RYR3: variants seen among roughly 807,000 people sequenced by gnomAD.
The protein encoded by RYR3 is ryanodine receptor 3.
In RYR3, 207 loss-of-function variants were observed where a neutral mutation model predicts 584.3. The observed-to-expected ratio is 0.35, with a 90% CI of 0.32 to 0.40. RYR3 has a LOEUF of 0.40. Ranked by LOEUF, RYR3 falls within the 10% of genes least tolerant of loss-of-function variation. The pLI is 1.00. For synonymous variants in RYR3, 2,416 were observed against 2,248.5 expected (o/e 1.07, Z -2.11); for missense variants, 5,616 against 6,089.2 (o/e 0.92, Z 2.59).
intron 18 of RYR3, among the ~76,000 whole-genome samples, chr15:33,609,602 G>C (rs1442474985): frequency 6.6e-6 from 1 of 152,166 alleles, no homozygotes; most frequent in East Asian, 1.9e-4. Flanking sequence ...GCAGTGAGCC[G>C]AGATCGTGCC....
At position 33,636,474 on chromosome 15, in the gene RYR3, C is replaced by T. The variant is rs201264890; in HGVS notation, c.3480C>T (p.Ile1160=). 9.0e-5 allele frequency: 146 copies of T among 1,613,524 alleles called. No individual in the cohort carries two copies. In the Admixed American group the frequency reaches 2.4e-3, roughly 26 times the overall value. Residue 1160 remains isoleucine, a synonymous_variant, in exon 27 of 104, where the codon ATC becomes ATT. Transcript: ENST00000634891. ...TTAACCTGGATGATGCTTCAATGAT[C>T]TTCACACTGAATGGGGAGCTGCTGA... ...CMINLDDASM[I]FTLNGELLIT...
chr15:33,844,167 A>C (rs2078562786), intron 92 of RYR3, among the ~76,000 whole-genome samples: 1 of 152,156 alleles, frequency 6.6e-6, no homozygotes, highest in South Asian at 2.1e-4. Flanking sequence ...TAAAACCACC[A>C]ATCTAATTTG....
At chr15:33,439,538 C>T (rs1033680335) in intron 1 of RYR3, among the ~76,000 whole-genome samples, 1 of 152,008 alleles carries the variant, frequency 6.6e-6, no homozygotes, top group Non-Finnish European at 1.5e-5. Flanking sequence ...CTTTAATTGT[C>T]CTTTCCTATA....
chr15:33,531,864 T>C (rs2054905740), intron 4 of RYR3, among the ~76,000 whole-genome samples: 1 of 152,142 alleles, frequency 6.6e-6, no homozygotes, highest in South Asian at 2.1e-4. Context: ...TGTTTATCTA[T>C]AGGGTAAATA....
chr15:33,498,426 T>G (rs1270801034), intron 2 of RYR3, among the ~76,000 whole-genome samples: 3 of 152,158 alleles, frequency 2.0e-5, no homozygotes, highest in Non-Finnish European at 4.4e-5. Flanking sequence ...TTTCCCTGAT[T>G]AGTGATATGA....
intron 60 of RYR3, among the ~76,000 whole-genome samples, chr15:33,762,513 TTTATTCTC>T (rs1221801099): frequency 6.6e-6 from 1 of 151,678 alleles, no homozygotes; most frequent in African/African-American, 2.4e-5. Context: ...GGCAATTGCA[TTTATTCTC>T]ACAAAGAGCA....
chr15:33,812,425 G>A (rs1039485560), intron 72 of RYR3, among the ~76,000 whole-genome samples: 3 of 152,018 alleles, frequency 2.0e-5, no homozygotes, highest in Non-Finnish European at 2.9e-5. Flanking sequence ...GGAATTAATC[G>A]AACCCATAAA....
intron 1 of RYR3, among the ~76,000 whole-genome samples, chr15:33,372,358 ATTTTTTTTTTT>A (rs59663566): frequency 4.0e-5 from 3 of 75,550 alleles, no homozygotes; most frequent in Non-Finnish European, 7.1e-5. Context: ...TGCCCGGCTA[ATTTTTTTTTTT>A]TTTTTTTTTT....
In RYR3 at chr15:33,648,562, T is replaced by C. The variant is rs138013027; in HGVS notation, c.3979-510T>C. The stretch of plus-strand genomic sequence containing the variant: ...CACATTTGGCCATGAGATGAACTTT[T>C]TCTTGAGCAACCTCTTTCAAGACTT... On this transcript the variant is annotated intron_variant, in intron 30 of 103. Coordinates refer to ENST00000634891, the MANE Select transcript of RYR3 (RefSeq NM_001036.6). Among the ~76,000 whole-genome samples the C allele has an allele frequency of 6.8e-4, 103 of 152,342 alleles. 1 individual carries two copies. The highest frequency in any genetic ancestry group is 2.1e-3 in the African/African-American group (87 of 41,574).
At chr15:33,338,215 G>C (rs1971384297) in intron 1 of RYR3, among the ~76,000 whole-genome samples, 1 of 152,102 alleles carries the variant, frequency 6.6e-6, no homozygotes, top group Non-Finnish European at 1.5e-5. Flanking sequence ...AAAGTGCTGG[G>C]ATTACAGGCG....
At chr15:33,440,652 C>G (rs937889056) in intron 1 of RYR3, among the ~76,000 whole-genome samples, 5 of 152,290 alleles carry the variant, frequency 3.3e-5, no homozygotes, top group Admixed American at 1.3e-4. Flanking sequence ...AAGTGATTCT[C>G]CAACGTGGAA....
At chr15:33,464,463 G>GATATATATAT (rs569756898) in intron 1 of RYR3, among the ~76,000 whole-genome samples, 16 of 79,254 alleles carry the variant, frequency 2.0e-4, no homozygotes, top group East Asian at 1.4e-3. Context: ...GGGAGGTGGA[G>GATATATATAT]ATATATATAT....
At position 33,746,098 on chromosome 15, in the gene RYR3, C is replaced by T. The variant is rs759021326; in HGVS notation, c.7930C>T (p.Leu2644=). The T allele has an allele frequency of 1.2e-6, 2 of 1,600,586 alleles. No individual in the cohort carries two copies. The highest frequency in any genetic ancestry group is 1.7e-6 in the Non-Finnish European group (2 of 1,173,554). ...SQSGWKYGIS[L]DENVKTHPLI... is the part of the protein sequence containing the mutation. ...GAGTGGATGGAAATATGGGATTTCC[C>T]TGGATGAAAATGTGAAGACCCACCC... Residue 2644 remains leucine, a synonymous_variant, in exon 53 of 104, where the codon CTG becomes TTG. Transcript: ENST00000634891.
chr15:33,368,441 T>A (rs1975821654), intron 1 of RYR3, among the ~76,000 whole-genome samples: 1 of 150,152 alleles, frequency 6.7e-6, no homozygotes, highest in African/African-American at 2.5e-5. Flanking sequence ...GCTTTGTGGC[T>A]TGGGGAGACA....
intron 16 of RYR3, among the ~76,000 whole-genome samples, chr15:33,590,387 G>T (rs1331373735): frequency 6.6e-6 from 1 of 152,100 alleles, no homozygotes; most frequent in Admixed American, 6.6e-5. Flanking sequence ...GGCTACTCAG[G>T]TTCTTTTTTG....
chr15:33,720,543 G>A (rs1028042343), intron 43 of RYR3, among the ~76,000 whole-genome samples: 6 of 152,208 alleles, frequency 3.9e-5, no homozygotes, highest in Admixed American at 3.3e-4. Context: ...CTAAAGAGCT[G>A]GAACAAGAAG....
chr15:33,557,910 G>T (rs1358114709), intron 10 of RYR3, among the ~76,000 whole-genome samples: 1 of 152,106 alleles, frequency 6.6e-6, no homozygotes, highest in Non-Finnish European at 1.5e-5. Flanking sequence ...CACATAGTAG[G>T]CCAGATAACC....
intron 1 of RYR3, among the ~76,000 whole-genome samples, chr15:33,324,115 T>G (rs1969372984): frequency 6.6e-6 from 1 of 151,984 alleles, no homozygotes; most frequent in Non-Finnish European, 1.5e-5. Context: ...AAGATACTCT[T>G]TTGGATTAAG....
intron 1 of RYR3, among the ~76,000 whole-genome samples, chr15:33,388,647 G>T (rs976380355): frequency 1.3e-5 from 2 of 152,156 alleles, no homozygotes; most frequent in Admixed American, 1.3e-4. Flanking sequence ...TATACCATTG[G>T]CTTCTAAGAG....
Sources: allele counts gnomAD v4.1 joint callset (sites outside exome capture counted in the v4.1 genomes callset), GRCh38; gene constraint gnomAD v4.1.1; transcripts MANE v1.5; gene names NCBI Gene and HGNC (gene_info 2026-07-23, HGNC 2026-07-21).